RGS7: variants seen among roughly 807,000 people sequenced by gnomAD.
RGS7 encodes the protein regulator of G-protein signaling 7.
Under a neutral mutation model 81.1 loss-of-function variants are expected in RGS7, and 27 were observed. That is an observed-to-expected ratio of 0.33 (90% confidence interval 0.25 to 0.46). RGS7 has a LOEUF of 0.46. RGS7 is among the 20% of genes least tolerant of loss of function. The pLI, the probability that RGS7 is intolerant of heterozygous loss-of-function variation, is 1.00. For missense variants in RGS7, 396 were observed against 607.4 expected (o/e 0.65, Z 3.66); for synonymous variants, 208 against 207.7 (o/e 1.00, Z -0.01).
intron 6 of RGS7, among the ~76,000 whole-genome samples, chr1:240,898,805 G>T (rs1044131787): frequency 2.4e-4 from 37 of 152,278 alleles, no homozygotes; most frequent in African/African-American, 8.4e-4. Context: ...AGGTCTGCTT[G>T]GTGCAGAGCT....
At chr1:241,149,228 G>A (rs1030955855) in intron 2 of RGS7, among the ~76,000 whole-genome samples, 8 of 152,068 alleles carry the variant, frequency 5.3e-5, no homozygotes, top group African/African-American at 1.7e-4. Context: ...GTGCAGTGGC[G>A]CAATCTCGGC....
intron 3 of RGS7, among the ~76,000 whole-genome samples, chr1:241,035,172 A>T (rs1322527675): frequency 2.0e-5 from 3 of 152,190 alleles, no homozygotes; most frequent in Non-Finnish European, 4.4e-5. Flanking sequence ...CATTAAGGGT[A>T]GCAAGATTAA....
intron 6 of RGS7, among the ~76,000 whole-genome samples, chr1:240,874,773 G>T (rs995459998): frequency 2.2e-4 from 34 of 152,138 alleles, no homozygotes; most frequent in Admixed American, 1.9e-3. Flanking sequence ...GGGTGCAGTG[G>T]ATCATGCCTG....
chr1:240,798,472 A>G (rs1687446290), intron 18 of RGS7, among the ~76,000 whole-genome samples: 1 of 152,154 alleles, frequency 6.6e-6, no homozygotes, highest in Non-Finnish European at 1.5e-5. Flanking sequence ...GGAGGTGGGT[A>G]TCATCAGGTG....
intron 4 of RGS7, among the ~76,000 whole-genome samples, chr1:240,957,814 A>C (rs1680702204): frequency 6.6e-6 from 1 of 152,190 alleles, no homozygotes; most frequent in Admixed American, 6.5e-5. Flanking sequence ...TTTTCTGTAA[A>C]TCTAAACCTA....
chr1:241,102,214 C>A (rs1426775655), intron 2 of RGS7, among the ~76,000 whole-genome samples: 1 of 151,346 alleles, frequency 6.6e-6, no homozygotes, highest in East Asian at 1.9e-4. Context: ...AAAACAACAA[C>A]AACAAAATGA....
intron 2 of RGS7, among the ~76,000 whole-genome samples, chr1:241,209,770 G>A (rs1186588671): frequency 6.6e-6 from 1 of 152,142 alleles, no homozygotes; most frequent in Admixed American, 6.5e-5. Context: ...CTGGGAGACT[G>A]AGGCTGCAGT....
At chr1:240,784,518 C>T (rs1337437252) in intron 18 of RGS7, among the ~76,000 whole-genome samples, 3 of 147,772 alleles carry the variant, frequency 2.0e-5, no homozygotes, top group South Asian at 2.2e-4. Context: ...TGGTGGCGGG[C>T]GCCTGTAGTC....
At position 240,933,995 on chromosome 1, in the gene RGS7, G is replaced by A. The variant is rs190771704; in HGVS notation, c.333+2605C>T. Among the ~76,000 whole-genome samples, 301 of 151,864 alleles carry A rather than the reference G, an allele frequency of 2.0e-3. 3 individuals carry two copies. The highest frequency in any genetic ancestry group is 6.7e-3 in the African/African-American group (277 of 41,428). ...TATTATTATTTTGAGATGGAGTCTC[G>A]CTCTGTCACCCAGGCTGGAGTGCAG... is the stretch of plus-strand genomic sequence containing the variant. On this transcript the variant is annotated intron_variant, in intron 5 of 18. Coordinates refer to ENST00000440928, the MANE Select transcript of RGS7 (RefSeq NM_001364886.1).
At chr1:240,925,110 T>TC (rs1182166044) in intron 6 of RGS7, among the ~76,000 whole-genome samples, 8 of 152,098 alleles carry the variant, frequency 5.3e-5, no homozygotes, top group Non-Finnish European at 1.0e-4. Context: ...ACTCATTTCT[T>TC]TTTTTCAATA....
intron 2 of RGS7, among the ~76,000 whole-genome samples, chr1:241,206,128 C>T (rs2073866357): frequency 6.6e-6 from 1 of 151,948 alleles, no homozygotes; most frequent in African/African-American, 2.4e-5. Flanking sequence ...TCCCATGGAC[C>T]ATTATTTCTG....
intron 18 of RGS7, among the ~76,000 whole-genome samples, chr1:240,792,754 T>C (rs1686225902): frequency 6.6e-6 from 1 of 152,222 alleles, no homozygotes; most frequent in African/African-American, 2.4e-5. Flanking sequence ...CAGGTGCAAC[T>C]GTTAGTAGTA....
At chr1:241,155,577 G>GAAAAAAAA (rs58091813) in intron 2 of RGS7, among the ~76,000 whole-genome samples, 16 of 116,534 alleles carry the variant, frequency 1.4e-4, no homozygotes, top group East Asian at 2.4e-4. Context: ...TTGAAAAAAA[G>GAAAAAAAA]AAAAAAAAAA....
At chr1:240,998,811 G>A in intron 3 of RGS7, 3 of 630,680 alleles carry the variant, frequency 4.8e-6, no homozygotes, top group Admixed American at 3.8e-5. Context: ...GGTGAGTGTG[G>A]GGCTGGCGCT....
intron 6 of RGS7, among the ~76,000 whole-genome samples, chr1:240,903,743 G>A (rs1670385645): frequency 6.6e-6 from 1 of 152,164 alleles, no homozygotes; most frequent in African/African-American, 2.4e-5. Context: ...CTCACGAATG[G>A]CTTGGTGCCA....
chr1:240,788,861 G>C (rs925455685), intron 18 of RGS7, among the ~76,000 whole-genome samples: 1 of 152,130 alleles, frequency 6.6e-6, no homozygotes, highest in Non-Finnish European at 1.5e-5. Context: ...AAGTAGGCAG[G>C]GTGTGGTGGT....
At chr1:240,994,190 T>C (rs992545473) in intron 3 of RGS7, among the ~76,000 whole-genome samples, 1 of 152,222 alleles carries the variant, frequency 6.6e-6, no homozygotes, top group Non-Finnish European at 1.5e-5. Context: ...CTATAAATCT[T>C]AGAATTATCT....
chr1:241,247,402 G>T (rs2076599863), intron 2 of RGS7, among the ~76,000 whole-genome samples: 2 of 152,128 alleles, frequency 1.3e-5, no homozygotes, highest in African/African-American at 4.8e-5. Context: ...AAATTATTTG[G>T]TTGATGAAGG....
chr1:240,972,249 A>T (rs2148513394), intron 4 of RGS7, among the ~76,000 whole-genome samples: 1 of 152,064 alleles, frequency 6.6e-6, no homozygotes, highest in South Asian at 2.1e-4. Flanking sequence ...CAGGACACGT[A>T]TGTTTATTGC....
Sources: allele counts gnomAD v4.1 joint callset (sites outside exome capture counted in the v4.1 genomes callset), GRCh38; gene constraint gnomAD v4.1.1; transcripts MANE v1.5; gene names NCBI Gene and HGNC (gene_info 2026-07-23, HGNC 2026-07-21).